Variants in CADPS2 observed in about 807,000 individuals in gnomAD.
The protein encoded by CADPS2 is calcium-dependent secretion activator 2.
CADPS2 carries 93 observed loss-of-function variants against 172.5 expected under a neutral mutation model. The observed-to-expected ratio is 0.54, with a 90% confidence interval of 0.46 to 0.64. The LOEUF is 0.64. CADPS2 is among the 30% of genes least tolerant of loss of function. The probability of loss-of-function intolerance (pLI) is 0.00; values close to 1 mark genes in which losing one functional copy is unlikely to be tolerated. For missense variants in CADPS2, 1,420 were observed against 1,565.9 expected, an observed-to-expected ratio of 0.91 and a Z score of 1.57; for synonymous variants, 546 against 555.2, an observed-to-expected ratio of 0.98 and a Z score of 0.23.
At chr7:122,871,879 T>C (rs551405115) in intron 1 of CADPS2, among the ~76,000 whole-genome samples, 5 of 152,214 alleles carry the variant, frequency 3.3e-5, no homozygotes, top group Non-Finnish European at 2.9e-5. Flanking sequence ...CAGCCTTCTT[T>C]CCAGTCTTAA....
chr7:122,821,454 C>A (rs956689378), intron 1 of CADPS2, among the ~76,000 whole-genome samples: 1 of 152,132 alleles, frequency 6.6e-6, no homozygotes, highest in Non-Finnish European at 1.5e-5. Context: ...CAAGGATTTG[C>A]CCCACCCAGG....
intron 9 of CADPS2, 120 bp from the exon 10 acceptor site, chr7:122,491,540 T>G: frequency 7.1e-6 from 4 of 560,186 alleles, no homozygotes; most frequent in Non-Finnish European, 1.2e-5. Flanking sequence ...GCACATAAAT[T>G]ATTAAATTTT....
At chr7:122,863,817 G>A (rs971541526) in intron 1 of CADPS2, among the ~76,000 whole-genome samples, 1 of 152,120 alleles carries the variant, frequency 6.6e-6, no homozygotes, top group African/African-American at 2.4e-5. Flanking sequence ...ATCACCTGAG[G>A]TCAGGCATTT....
intron 2 of CADPS2, among the ~76,000 whole-genome samples, chr7:122,707,201 G>A (rs2087713088): frequency 6.6e-6 from 1 of 151,916 alleles, no homozygotes; most frequent in Admixed American, 6.6e-5. Flanking sequence ...GCACTGACAT[G>A]AGCCAGAGTC....
At chr7:122,747,974 C>T (rs1316817508) in intron 1 of CADPS2, among the ~76,000 whole-genome samples, 1 of 152,148 alleles carries the variant, frequency 6.6e-6, no homozygotes, top group Non-Finnish European at 1.5e-5. Flanking sequence ...CTCATACATA[C>T]ATCTGTCACT....
At chr7:122,829,954 C>A (rs1806026599) in intron 1 of CADPS2, among the ~76,000 whole-genome samples, 1 of 151,876 alleles carries the variant, frequency 6.6e-6, no homozygotes, top group South Asian at 2.1e-4. Flanking sequence ...AGATGAGATA[C>A]CTATTTATGT....
intron 9 of CADPS2, among the ~76,000 whole-genome samples, chr7:122,503,298 T>A (rs928124751): frequency 1.3e-5 from 2 of 152,164 alleles, no homozygotes; most frequent in Non-Finnish European, 2.9e-5. Flanking sequence ...CCTCCCAAAA[T>A]GCTGGGATTA....
At chr7:122,826,846 T>A (rs541653500) in intron 1 of CADPS2, among the ~76,000 whole-genome samples, 13 of 151,044 alleles carry the variant, frequency 8.6e-5, no homozygotes, top group Non-Finnish European at 1.8e-4. Context: ...GAAAAAAAAA[T>A]GTCTACAATA....
Position 122,438,451 on chromosome 7 carries a change from T to G in CADPS2, c.2366A>C (p.Asp789Ala), listed in dbSNP as rs749733238. 6.2e-7 allele frequency: 1 copy of G among 1,612,796 alleles called. No individual in the cohort carries two copies. The highest frequency in any genetic ancestry group is 1.1e-5 in the South Asian group (1 of 91,038). The change falls in exon 17 of 30, where the codon GAT becomes GCT. Residue 789 changes from aspartate to alanine, a missense_variant. Transcript: ENST00000449022. ...TTCTGCTGGTATGGGAGTGGCAATATCTTTCATTAAAACCTACAGAGAGAG... is the reference window on the plus strand; with the variant it reads ...TTCTGCTGGTATGGGAGTGGCAATAGCTTTCATTAAAACCTACAGAGAGAG... ...LSLLERVLMK[D>A]IATPIPAEEV...
chr7:122,491,925 C>G (rs2058321039), intron 9 of CADPS2, among the ~76,000 whole-genome samples: 1 of 152,178 alleles, frequency 6.6e-6, no homozygotes. Flanking sequence ...GTAATCCCAG[C>G]ACTTTGGGAT....
intron 2 of CADPS2, among the ~76,000 whole-genome samples, chr7:122,672,439 A>C (rs1268921194): frequency 6.6e-6 from 1 of 152,174 alleles, no homozygotes; most frequent in Non-Finnish European, 1.5e-5. Flanking sequence ...AAACTCACCA[A>C]GTAGCAGATA....
intron 14 of CADPS2, among the ~76,000 whole-genome samples, chr7:122,455,338 C>A (rs2053627284): frequency 6.6e-6 from 1 of 152,066 alleles, no homozygotes; most frequent in Non-Finnish European, 1.5e-5. Flanking sequence ...GAGGTTATCT[C>A]CAACCATCCT....
At chr7:122,407,367 C>T (rs920377215) in intron 20 of CADPS2, among the ~76,000 whole-genome samples, 173 bp downstream of exon 20, 1 of 152,168 alleles carries the variant, frequency 6.6e-6, no homozygotes, top group African/African-American at 2.4e-5. Flanking sequence ...GTGGGAGTCT[C>T]CCCGGGCTCC....
At chr7:122,780,897 A>T (rs1792533602) in intron 1 of CADPS2, among the ~76,000 whole-genome samples, 1 of 152,176 alleles carries the variant, frequency 6.6e-6, no homozygotes, top group South Asian at 2.1e-4. Context: ...ACAATGCAAA[A>T]ATCACTCTTA....
chr7:122,645,276 T>TAC (rs1299421824), intron 3 of CADPS2, among the ~76,000 whole-genome samples: 1 of 140,894 alleles, frequency 7.1e-6, no homozygotes, highest in Non-Finnish European at 1.6e-5. Context: ...TGTACATATA[T>TAC]ACACACATAT....
intron 1 of CADPS2, among the ~76,000 whole-genome samples, chr7:122,836,384 T>C (rs1333499809): frequency 6.6e-6 from 1 of 150,912 alleles, no homozygotes; most frequent in Admixed American, 6.6e-5. Flanking sequence ...ACAAGCAAAA[T>C]AGCCAGCTAA....
intron 17 of CADPS2, among the ~76,000 whole-genome samples, chr7:122,432,010 G>T (rs943173706): frequency 2.0e-5 from 3 of 152,134 alleles, no homozygotes; most frequent in African/African-American, 7.2e-5. Flanking sequence ...TGGTATATAA[G>T]CATTTTCTCT....
At chr7:122,659,871 GA>G (rs139992540) in intron 3 of CADPS2, among the ~76,000 whole-genome samples, 7 of 151,054 alleles carry the variant, frequency 4.6e-5, no homozygotes, top group Non-Finnish European at 8.9e-5. Context: ...CGCTGAAAGA[GA>G]AAAAAAAATC....
In CADPS2 at chr7:122,681,375, G is replaced by A. The variant is rs1455553392; in HGVS notation, c.454-17806C>T. ...AAAGGGCCGCGGCCACGTGCAACCT[G>A]TTCGCTGTACTAACTGTGCCCGATG... On this transcript the variant is annotated intron_variant, in intron 2 of 29. Coordinates refer to ENST00000449022, the MANE Select transcript of CADPS2 (RefSeq NM_017954.11). The A allele has an allele frequency of 6.7e-6, 10 of 1,502,494 alleles. No homozygotes were observed. In the East Asian group the frequency reaches 6.8e-5, roughly 10 times the overall value. 93.1% of individuals were successfully genotyped at this position (1,502,494 alleles called of 1,614,324 possible). A position where few individuals can be genotyped will look rare whatever the true frequency, so the allele number is the denominator to read the frequency against.
Sources: gnomAD v4.1 joint callset for allele counts (sites outside exome capture counted in the v4.1 genomes callset) on GRCh38, gnomAD v4.1.1 for gene constraint, MANE v1.5 for transcripts, NCBI Gene and HGNC (gene_info 2026-07-23, HGNC 2026-07-21) for gene names.